KCTD8: variants seen among roughly 807,000 people sequenced by gnomAD.
KCTD8 encodes potassium channel tetramerization domain containing 8, also known as BTB/POZ domain-containing protein KCTD8.
KCTD8 carries 27 observed loss-of-function variants against 31.5 expected under a neutral mutation model. That is an observed-to-expected ratio of 0.86 (90% CI 0.63 to 1.18). KCTD8 has a LOEUF of 1.18. Ranked by LOEUF, KCTD8 falls within the 50% of genes most tolerant of loss-of-function variation. KCTD8 has a pLI of 0.00. For missense variants in KCTD8, 658 were observed against 647.7 expected (o/e 1.02, Z -0.17); for synonymous variants, 290 against 280.0 (o/e 1.04, Z -0.36).
chr4:44,337,738 A>C (rs926870309), intron 1 of KCTD8, among the ~76,000 whole-genome samples: 1 of 151,326 alleles, frequency 6.6e-6, no homozygotes, highest in African/African-American at 2.4e-5. Context: ...CTTCATGAAA[A>C]ATTGCAATAA....
chr4:44,335,620 C>T (rs1311325030), intron 1 of KCTD8, among the ~76,000 whole-genome samples: 1 of 152,100 alleles, frequency 6.6e-6, no homozygotes, highest in Admixed American at 6.5e-5. Context: ...TACAAAATGA[C>T]AGTTTTCTTT....
At chr4:44,417,726 A>T in intron 1 of KCTD8, among the ~76,000 whole-genome samples, 1 of 139,176 alleles carries the variant, frequency 7.2e-6, no homozygotes, top group Non-Finnish European at 1.6e-5. Flanking sequence ...GCATTAGCCA[A>T]CTATATCTAC....
chr4:44,283,595 A>C (rs533179121), intron 1 of KCTD8, among the ~76,000 whole-genome samples: 2 of 152,284 alleles, frequency 1.3e-5, no homozygotes, highest in South Asian at 4.1e-4. Context: ...TGGAACAAGA[A>C]GTCCTAGATG....
intron 1 of KCTD8, among the ~76,000 whole-genome samples, chr4:44,313,670 A>G (rs2109401046): frequency 6.6e-6 from 1 of 152,338 alleles, no homozygotes; most frequent in South Asian, 2.1e-4. Flanking sequence ...ATACAAAACT[A>G]TTGAGTATCT....
chr4:44,327,027 G>A (rs932597308), intron 1 of KCTD8, among the ~76,000 whole-genome samples: 1 of 151,904 alleles, frequency 6.6e-6, no homozygotes, highest in African/African-American at 2.4e-5. Context: ...GCCTGTTTCA[G>A]AACACTTTCA....
rs1435858228 is a variant in KCTD8, at chr4:44,382,688, C to T, written c.961+64875G>A. 2.6e-5 allele frequency among the ~76,000 whole-genome samples: 4 copies of T among 151,328 alleles called. No individual in the cohort carries two copies. The East Asian group carries it at 7.9e-4, about 30-fold the overall frequency. ...GAGGTTGCAGTGAGTTGAAATTGCACCATTGCATACCAGCCTGGGCAACAG... is the reference window on the plus strand; with the variant it reads ...GAGGTTGCAGTGAGTTGAAATTGCATCATTGCATACCAGCCTGGGCAACAG... On this transcript the variant is annotated intron_variant, in intron 1 of 1. Coordinates refer to ENST00000360029, the MANE Select transcript of KCTD8 (RefSeq NM_198353.3).
At chr4:44,440,583 A>C (rs1721789015) in intron 1 of KCTD8, among the ~76,000 whole-genome samples, 1 of 152,232 alleles carries the variant, frequency 6.6e-6, no homozygotes. Context: ...CTTGAAGTGA[A>C]ACTAAACCTC....
chr4:44,208,522 AATT>A (rs1714385161), intron 1 of KCTD8, among the ~76,000 whole-genome samples: 1 of 152,216 alleles, frequency 6.6e-6, no homozygotes, highest in South Asian at 2.1e-4. Context: ...ATAGAATACA[AATT>A]ATATTGAAAA....
chr4:44,284,152 A>G (rs1716988150), intron 1 of KCTD8, among the ~76,000 whole-genome samples: 1 of 152,308 alleles, frequency 6.6e-6, no homozygotes, highest in Non-Finnish European at 1.5e-5. Flanking sequence ...ATGGAACCAA[A>G]AAAGAGCCCA....
intron 1 of KCTD8, among the ~76,000 whole-genome samples, chr4:44,279,953 AT>A (rs1179719299): frequency 6.6e-6 from 1 of 152,034 alleles, no homozygotes; most frequent in Admixed American, 6.6e-5. Context: ...CCAAACAAAA[AT>A]GTTTACTTTA....
intron 1 of KCTD8, among the ~76,000 whole-genome samples, chr4:44,426,837 T>C (rs1433622702): frequency 2.6e-5 from 4 of 151,744 alleles, no homozygotes; most frequent in African/African-American, 9.7e-5. Flanking sequence ...CCATCTAGCA[T>C]TATATTCATT....
chr4:44,420,572 T>C (rs192935135), intron 1 of KCTD8, among the ~76,000 whole-genome samples: 4 of 152,274 alleles, frequency 2.6e-5, no homozygotes, highest in East Asian at 1.9e-4. Flanking sequence ...AGGCCATAAT[T>C]TGAACCCTTG....
intron 1 of KCTD8, among the ~76,000 whole-genome samples, chr4:44,412,304 CAAG>C (rs1178208591): frequency 6.6e-6 from 1 of 152,142 alleles, no homozygotes; most frequent in Admixed American, 6.5e-5. Context: ...AAATGACACA[CAAG>C]AAGTATGCGT....
intron 1 of KCTD8, among the ~76,000 whole-genome samples, chr4:44,407,728 A>C (rs146153119): frequency 3.9e-5 from 6 of 152,150 alleles, no homozygotes; most frequent in African/African-American, 1.4e-4. Context: ...ATGATATTCC[A>C]TCACCCTGGT....
chr4:44,406,420 G>A (rs943169528), intron 1 of KCTD8, among the ~76,000 whole-genome samples: 16 of 152,076 alleles, frequency 1.1e-4, no homozygotes, highest in Admixed American at 6.6e-4. Context: ...ATTCATGGGG[G>A]TGGTTTCCTC....
At chr4:44,264,706 C>T (rs1716285646) in intron 1 of KCTD8, among the ~76,000 whole-genome samples, 1 of 152,166 alleles carries the variant, frequency 6.6e-6, no homozygotes, top group South Asian at 2.1e-4. Flanking sequence ...TTCCGATGGG[C>T]TTAGGAAATG....
intron 1 of KCTD8, among the ~76,000 whole-genome samples, chr4:44,345,939 A>C (rs1719025299): frequency 6.6e-6 from 1 of 151,530 alleles, no homozygotes; most frequent in Non-Finnish European, 1.5e-5. Flanking sequence ...AAACAAAAAA[A>C]AACCACATAC....
At chr4:44,251,140 T>G (rs1715819137) in intron 1 of KCTD8, among the ~76,000 whole-genome samples, 1 of 151,752 alleles carries the variant, frequency 6.6e-6, no homozygotes, top group African/African-American at 2.4e-5. Flanking sequence ...CTTACTAGTC[T>G]TCCTACAGAG....
At chr4:44,181,284 C>T (rs983471632) in intron 1 of KCTD8, among the ~76,000 whole-genome samples, 3 of 151,538 alleles carry the variant, frequency 2.0e-5, no homozygotes, top group African/African-American at 4.9e-5. Flanking sequence ...CACCGTCTCC[C>T]TCTGATGCCG....
Sources: allele counts gnomAD v4.1 joint callset (sites outside exome capture counted in the v4.1 genomes callset), GRCh38; gene constraint gnomAD v4.1.1; transcripts MANE v1.5; gene names NCBI Gene and HGNC (gene_info 2026-07-23, HGNC 2026-07-21).